Variants in ROBO2 observed in about 807,000 individuals in gnomAD.
ROBO2 encodes roundabout guidance receptor 2.
A neutral mutation model predicts 160.8 loss-of-function variants in ROBO2; 53 were observed. The observed-to-expected ratio is 0.33, with a 90% CI of 0.26 to 0.41. The LOEUF (loss-of-function observed/expected upper bound fraction) is 0.41, where lower values mean the gene tolerates loss of function less well. Ranked by LOEUF, ROBO2 falls within the 10% of genes least tolerant of loss-of-function variation. The probability of loss-of-function intolerance (pLI) is 1.00; values close to 1 mark genes in which losing one functional copy is unlikely to be tolerated. For missense variants in ROBO2, 1,577 were observed against 1,722.4 expected (o/e 0.92, Z 1.49); for synonymous variants, 664 against 611.7 (o/e 1.09, Z -1.26).
At chr3:77,190,960 T>C (rs914506170) in intron 2 of ROBO2, among the ~76,000 whole-genome samples, 1 of 152,014 alleles carries the variant, frequency 6.6e-6, no homozygotes, top group African/African-American at 2.4e-5. Flanking sequence ...ATCACAGAAG[T>C]CCATTTTTAA....
chr3:76,907,696 T>G (rs902006298), intron 2 of ROBO2, among the ~76,000 whole-genome samples: 3 of 152,252 alleles, frequency 2.0e-5, no homozygotes, highest in Non-Finnish European at 2.9e-5. Flanking sequence ...CAAGCTGGTA[T>G]GAGAAGCAGA....
intron 2 of ROBO2, among the ~76,000 whole-genome samples, chr3:76,380,884 A>T (rs978320104): frequency 6.6e-6 from 1 of 152,188 alleles, no homozygotes; most frequent in African/African-American, 2.4e-5. Context: ...GACCATTTCC[A>T]TCATGATAGA....
At chr3:76,235,774 G>A (rs1288478188) in intron 2 of ROBO2, among the ~76,000 whole-genome samples, 3 of 152,082 alleles carry the variant, frequency 2.0e-5, no homozygotes, top group Non-Finnish European at 4.4e-5. Flanking sequence ...TAACTTTAGG[G>A]CATTAATTGC....
At chr3:76,904,666 T>A (rs1309457126) in intron 2 of ROBO2, among the ~76,000 whole-genome samples, 1 of 152,130 alleles carries the variant, frequency 6.6e-6, no homozygotes, top group African/African-American at 2.4e-5. Context: ...AAGAACAGGC[T>A]CCTGTAGCCC....
At chr3:77,261,698 A>C (rs1426505137) in intron 2 of ROBO2, among the ~76,000 whole-genome samples, 1 of 152,000 alleles carries the variant, frequency 6.6e-6, no homozygotes, top group Non-Finnish European at 1.5e-5. Flanking sequence ...GTTCATTACC[A>C]CAATTGGAAG....
At chr3:76,323,713 T>C (rs897416601) in intron 2 of ROBO2, among the ~76,000 whole-genome samples, 1 of 152,240 alleles carries the variant, frequency 6.6e-6, no homozygotes, top group Non-Finnish European at 1.5e-5. Context: ...GCTGTTTCAT[T>C]TGGAAATTGG....
At chr3:76,752,705 G>A (rs954159960) in intron 2 of ROBO2, among the ~76,000 whole-genome samples, 2 of 151,784 alleles carry the variant, frequency 1.3e-5, no homozygotes, top group Non-Finnish European at 2.9e-5. Flanking sequence ...AGTGTTTGAG[G>A]AAAACTGGAT....
intron 2 of ROBO2, among the ~76,000 whole-genome samples, chr3:76,615,294 T>C (rs755229218): frequency 3.3e-5 from 5 of 152,138 alleles, no homozygotes; most frequent in Non-Finnish European, 5.9e-5. Flanking sequence ...CACAAGCAAT[T>C]ATAAATGCAA....
intron 2 of ROBO2, among the ~76,000 whole-genome samples, chr3:76,721,242 T>C (rs550677576): frequency 1.3e-5 from 2 of 149,918 alleles, no homozygotes; most frequent in Non-Finnish European, 3.0e-5. Context: ...TCCTAACTTC[T>C]ACATAAAACA....
At chr3:76,512,867 A>G (rs745942360) in intron 2 of ROBO2, among the ~76,000 whole-genome samples, 7 of 152,184 alleles carry the variant, frequency 4.6e-5, no homozygotes, top group African/African-American at 7.2e-5. Flanking sequence ...GGTCCCAAGT[A>G]TTCTGGATAA....
chr3:76,863,260 A>G (rs2070994649), intron 2 of ROBO2, among the ~76,000 whole-genome samples: 3 of 151,690 alleles, frequency 2.0e-5, no homozygotes, highest in Admixed American at 6.6e-5. Flanking sequence ...ATCTTATTTC[A>G]CTCCATCAAT....
chr3:76,533,236 T>A (rs2082319942), intron 2 of ROBO2, among the ~76,000 whole-genome samples: 1 of 152,232 alleles, frequency 6.6e-6, no homozygotes, highest in South Asian at 2.1e-4. Context: ...GATGTGAGGA[T>A]TAAACACAAC....
chr3:77,353,239 C>T (rs945772949), intron 2 of ROBO2, among the ~76,000 whole-genome samples: 3 of 152,074 alleles, frequency 2.0e-5, no homozygotes, highest in African/African-American at 4.8e-5. Flanking sequence ...TATATTTCTG[C>T]GATGTGGGCC....
intron 2 of ROBO2, among the ~76,000 whole-genome samples, chr3:76,683,204 G>A (rs970104252): frequency 6.6e-6 from 1 of 152,046 alleles, no homozygotes; most frequent in East Asian, 1.9e-4. Context: ...CAAGGACAAT[G>A]AAATTAAGGT....
intron 2 of ROBO2, among the ~76,000 whole-genome samples, chr3:76,394,689 A>C (rs1348091479): frequency 6.6e-6 from 1 of 152,108 alleles, no homozygotes; most frequent in African/African-American, 2.4e-5. Flanking sequence ...CTAGTCTCTG[A>C]TAAAACAGAC....
At chr3:77,350,424 C>A (rs902175261) in intron 2 of ROBO2, among the ~76,000 whole-genome samples, 3 of 152,088 alleles carry the variant, frequency 2.0e-5, no homozygotes, top group African/African-American at 7.2e-5. Flanking sequence ...GAATGTGAGT[C>A]TCTTCTGCAC....
intron 1 of ROBO2, among the ~76,000 whole-genome samples, chr3:77,051,067 CA>C (rs1247214221): frequency 2.0e-5 from 3 of 151,260 alleles, no homozygotes; most frequent in Non-Finnish European, 2.9e-5. Context: ...CCTGAACTCA[CA>C]AATCAAGTTG....
At chr3:76,599,166 C>T (rs1344984606) in intron 2 of ROBO2, among the ~76,000 whole-genome samples, 1 of 152,158 alleles carries the variant, frequency 6.6e-6, no homozygotes, top group Non-Finnish European at 1.5e-5. Context: ...ATTATTTCAT[C>T]ACCCATGTAC....
At chr3:76,295,574 C>T (rs893090696) in intron 2 of ROBO2, among the ~76,000 whole-genome samples, 9 of 152,070 alleles carry the variant, frequency 5.9e-5, no homozygotes, top group East Asian at 1.9e-4. Flanking sequence ...CGACCTATAA[C>T]GACTCATTGA....
Sources: gnomAD v4.1 joint callset for allele counts (sites outside exome capture counted in the v4.1 genomes callset) on GRCh38, gnomAD v4.1.1 for gene constraint, MANE v1.5 for transcripts, NCBI Gene and HGNC (gene_info 2026-07-23, HGNC 2026-07-21) for gene names.